The following SP110 variants were observed in gnomAD, a reference collection of about 807,000 sequenced individuals.
SP110 encodes interferon-induced protein 41, 30kD.
In SP110, 62 loss-of-function variants were observed where a neutral mutation model predicts 92.7. The observed-to-expected ratio is 0.67, with a 90% CI of 0.55 to 0.83. SP110 has a LOEUF of 0.83. SP110 is among the 40% of genes least tolerant of loss of function. SP110 has a pLI of 0.00. For synonymous variants in SP110, 273 were observed against 305.3 expected (o/e 0.89, Z 1.10); for missense variants, 793 against 863.9 (o/e 0.92, Z 1.03).
upstream of SP110, chr2:230,221,911 T>G: frequency 8.5e-6 from 5 of 586,724 alleles, no homozygotes; most frequent in South Asian, 1.9e-5. Flanking sequence ...CGAATGAGGA[T>G]GAAAGATGTT....
At chr2:230,221,722 C>G (rs1559191259), upstream of SP110, 1 of 1,536,102 alleles carries the variant, frequency 6.5e-7, no homozygotes, top group East Asian at 2.4e-5. Context: ...CCCTCCCCAT[C>G]ACCTGGAAAG....
At chr2:230,200,184 T>C (rs1261809801) in intron 10 of SP110, among the ~76,000 whole-genome samples, 1 of 152,232 alleles carries the variant, frequency 6.6e-6, no homozygotes, top group Admixed American at 6.5e-5. Flanking sequence ...ATTAGATATT[T>C]GTTGTTTGAA....
chr2:230,171,588 C>G (rs531186262), intron 17 of SP110, 108 bp downstream of exon 17: 1 of 868,658 alleles, frequency 1.2e-6, no homozygotes, highest in South Asian at 1.3e-5. Flanking sequence ...CCACGCTGCC[C>G]TTCTCTTCTG....
chr2:230,216,730 A>G, intron 2 of SP110, 51 bp downstream of exon 2: 1 of 1,606,526 alleles, frequency 6.2e-7, no homozygotes, highest in Non-Finnish European at 8.5e-7. Context: ...TTTAATAATC[A>G]GGCATATTGG....
intron 8 of SP110, among the ~76,000 whole-genome samples, chr2:230,204,991 G>A (rs1340455813): frequency 6.6e-6 from 1 of 152,142 alleles, no homozygotes; most frequent in Non-Finnish European, 1.5e-5. Flanking sequence ...AATAGTTGGA[G>A]GGTAAGGCAT....
chr2:230,169,312 T>C (rs2078371255), intron 18 of SP110, 75 bp from the exon 19 acceptor site: 1 of 940,614 alleles, frequency 1.1e-6, no homozygotes, highest in South Asian at 1.3e-5. Flanking sequence ...TACTTTTTTT[T>C]GTGTTTTTGT....
chr2:230,193,493 C>T (rs762093867), intron 10 of SP110, among the ~76,000 whole-genome samples: 1 of 152,154 alleles, frequency 6.6e-6, no homozygotes, highest in Non-Finnish European at 1.5e-5. Context: ...TGGTGCATAT[C>T]AATCTTTCGT....
chr2:230,212,919 G>A lies in SP110; in HGVS notation c.425C>T (p.Pro142Leu), dbSNP rs1280303706. 1 of 1,614,056 alleles carries A rather than the reference G, an allele frequency of 6.2e-7. No homozygotes were observed. Among genetic ancestry groups the A allele is most frequent in the Admixed American group, 1.7e-5 (1 of 60,014 alleles). ...TGAACAGCTTGGTTGAGGGGGTTGT[G>A]GTGGGGGCAGCGCCAGTGGGGTATG... ...SLHTPLALPP[P>L]QPPQPSCSPC... Residue 142 changes from proline (P) to leucine (L), a missense_variant, in exon 4 of 19, where the codon CCA becomes CTA. Physicochemically the swap from Pro to Leu is moderately conservative, Grantham distance 98. Transcript: ENST00000258381.
upstream of SP110, among the ~76,000 whole-genome samples, chr2:230,224,130 T>C (rs1021371264): frequency 3.9e-5 from 6 of 152,202 alleles, no homozygotes; most frequent in African/African-American, 1.4e-4. Context: ...TGTTGCAAAG[T>C]AGGGCTTTCT....
upstream of SP110, among the ~76,000 whole-genome samples, chr2:230,222,730 AC>A (rs1310547337): frequency 6.7e-6 from 1 of 150,172 alleles, no homozygotes; most frequent in Non-Finnish European, 1.5e-5. Flanking sequence ...CATTTCTGTT[AC>A]CCTAGAAAGT....
chr2:230,201,084 C>T, intron 9 of SP110, 119 bp from the exon 10 acceptor site: 3 of 797,600 alleles, frequency 3.8e-6, no homozygotes, highest in Non-Finnish European at 4.5e-6. Flanking sequence ...AGGTCTTACC[C>T]TCCTAACAAT....
intron 10 of SP110, among the ~76,000 whole-genome samples, chr2:230,198,504 C>T (rs932896869): frequency 6.6e-6 from 1 of 152,184 alleles, no homozygotes; most frequent in South Asian, 2.1e-4. Flanking sequence ...TGATTCTGAG[C>T]CCCTTATTCT....
At chr2:230,178,461 C>CA (rs11382160) in intron 12 of SP110, among the ~76,000 whole-genome samples, 102,601 of 148,648 alleles carry the variant, frequency 0.69, 35,452 homozygotes, top group Middle Eastern at 0.76. Flanking sequence ...AACACTATAT[C>CA]AAAAAAAAAA....
intron 3 of SP110, chr2:230,213,958 G>C (rs1436607011): frequency 6.6e-6 from 1 of 151,546 alleles, no homozygotes; most frequent in Non-Finnish European, 1.5e-5. Context: ...TCTCCCTTCA[G>C]GGGGAAGCCT....
intron 8 of SP110, among the ~76,000 whole-genome samples, chr2:230,206,480 G>C (rs2043814060): frequency 6.6e-6 from 1 of 150,822 alleles, no homozygotes; most frequent in South Asian, 2.1e-4. Flanking sequence ...TTAGAGCAGG[G>C]CTAGGTCTGT....
At chr2:230,181,144 A>G (rs2042109813) in intron 12 of SP110, among the ~76,000 whole-genome samples, 1 of 152,208 alleles carries the variant, frequency 6.6e-6, no homozygotes, top group Non-Finnish European at 1.5e-5. Context: ...TTAGAAACAG[A>G]ATCAGTTTAC....
Position 230,170,726 on chromosome 2 carries a change from C to CATTGCTTCCTGAAAGGGCTCACCG in SP110, c.1899_1922dup (p.Ala640_Met641insIleGlyGluProPheGlnGluAla), listed in dbSNP as rs1344938755. On this transcript the variant is annotated inframe_insertion, in exon 18 of 19. Transcript: ENST00000258381. ...GCCTTTCCTTAACCAGGTCCAACCA[C>CATTGCTTCCTGAAAGGGCTCACCG]ATTGCTTCCTGAAAGGGCTCACCGT... The CATTGCTTCCTGAAAGGGCTCACCG allele has an allele frequency of 1.2e-6, 2 of 1,614,004 alleles. No individual in the cohort carries two copies. The highest frequency in any genetic ancestry group is 2.7e-5 in the African/African-American group (2 of 74,892).
intron 10 of SP110, among the ~76,000 whole-genome samples, chr2:230,188,918 C>A (rs769429389): frequency 5.3e-5 from 8 of 151,932 alleles, no homozygotes; most frequent in Non-Finnish European, 8.8e-5. Context: ...CTATTTATTC[C>A]CAATTTAATC....
rs931421213 is a variant in SP110 at position 230,212,505 on chromosome 2, T to C, written c.584-75A>G. On this transcript the variant is annotated intron_variant, in intron 4 of 18. Transcript: ENST00000258381. ...GAGAAGAGTGAATGTTAAAAGTGCC[T>C]GGGGCAGATAGAGCATCAAGGCACA... 86 of 1,252,392 alleles carry C rather than the reference T, an allele frequency of 6.9e-5. No homozygotes were observed. In the African/African-American group the frequency reaches 1.0e-3, roughly 15 times the overall value. The allele number at this position is 1,252,392 out of a possible 1,614,324, so 77.6% of individuals were successfully genotyped here. A position where few individuals can be genotyped will look rare whatever the true frequency, so the allele number is the denominator to read the frequency against.
Sources: allele counts gnomAD v4.1 joint callset (sites outside exome capture counted in the v4.1 genomes callset), GRCh38; gene constraint gnomAD v4.1.1; transcripts MANE v1.5; gene names NCBI Gene and HGNC (gene_info 2026-07-23, HGNC 2026-07-21).